CNTN4: variants seen among roughly 807,000 people sequenced by gnomAD.
The protein encoded by CNTN4 is contactin 4, also known as contactin-4.
A neutral mutation model predicts 122.5 loss-of-function variants in CNTN4; 77 were observed. The ratio of observed to expected loss-of-function variants is 0.63; its 90% CI spans 0.52 to 0.76. The LOEUF is 0.76. Ranked by LOEUF, CNTN4 falls within the 30% of genes least tolerant of loss-of-function variation. CNTN4 has a pLI of 0.00. For missense variants in CNTN4, 1,256 were observed against 1,259.1 expected (o/e 1.00, Z 0.04); for synonymous variants, 512 against 447.0 (o/e 1.15, Z -1.83).
At chr3:2,989,346 C>A (rs1694854888) in intron 14 of CNTN4, among the ~76,000 whole-genome samples, 1 of 152,178 alleles carries the variant, frequency 6.6e-6, no homozygotes, top group South Asian at 2.1e-4. Flanking sequence ...GTCCTTTATG[C>A]TGCACCAGGA....
At chr3:2,376,267 T>C (rs1034178570) in intron 3 of CNTN4, among the ~76,000 whole-genome samples, 50 of 152,186 alleles carry the variant, frequency 3.3e-4, no homozygotes, top group African/African-American at 1.2e-3. Context: ...AACTATTTAA[T>C]TAAATGGAAT....
intron 14 of CNTN4, among the ~76,000 whole-genome samples, chr3:2,994,569 T>G (rs1220131991): frequency 6.8e-6 from 1 of 147,358 alleles, no homozygotes; most frequent in African/African-American, 2.5e-5. Flanking sequence ...GAAAGTTTAT[T>G]TATGTTTAAA....
chr3:2,384,918 A>T (rs1157708266), intron 3 of CNTN4, among the ~76,000 whole-genome samples: 1 of 151,718 alleles, frequency 6.6e-6, no homozygotes, highest in African/African-American at 2.4e-5. Context: ...ATTCTTTTTT[A>T]AAACATTGGT....
At position 2,231,830 on chromosome 3, in the gene CNTN4, C is replaced by T. The variant is rs552760737; in HGVS notation, c.-144-107348C>T. On this transcript the variant is annotated intron_variant, in intron 2 of 24. Transcript: ENST00000418658. ...CTTCAATTTATTTAATCAATTATGT[C>T]CTGATAAAAATATGCTAATTGCAAT... Among the ~76,000 whole-genome samples, 6 of 152,128 alleles carry T rather than the reference C, an allele frequency of 3.9e-5. No homozygotes were observed. The East Asian group carries it at 7.7e-4, about 20-fold the overall frequency.
chr3:2,114,659 A>T (rs1337276439), intron 2 of CNTN4, among the ~76,000 whole-genome samples: 1 of 152,180 alleles, frequency 6.6e-6, no homozygotes, highest in Non-Finnish European at 1.5e-5. Context: ...ACCACCAACA[A>T]GCAGTGACTG....
chr3:3,014,081 CA>C lies in CNTN4; in HGVS notation c.1487-12020del, dbSNP rs1559789874. 1.1e-3 allele frequency among the ~76,000 whole-genome samples: 164 copies of C among 151,958 alleles called. 4 individuals are homozygous for C. The East Asian group carries it at 0.018, about 17-fold the overall frequency. On this transcript the variant is annotated intron_variant, in intron 14 of 24. Transcript: ENST00000418658. Reference sequence around the variant, plus strand: ...ACACACACACACACACACACACACACACACACCCCTAGGGGTTTTGTTTGTT... The same window carrying C: ...ACACACACACACACACACACACACACCACACCCCTAGGGGTTTTGTTTGTT...
intron 7 of CNTN4, among the ~76,000 whole-genome samples, chr3:2,822,932 C>T (rs572109266): frequency 5.3e-5 from 8 of 152,108 alleles, no homozygotes; most frequent in Non-Finnish European, 1.0e-4. Context: ...TTAGAAATGG[C>T]GTGCACATTA....
chr3:3,019,947 T>C (rs2125585843), intron 14 of CNTN4, among the ~76,000 whole-genome samples: 1 of 151,936 alleles, frequency 6.6e-6, no homozygotes, highest in Admixed American at 6.6e-5. Flanking sequence ...AAACTTTCTG[T>C]AAGTTTGAAA....
At chr3:2,164,489 A>G (rs17194161) in intron 2 of CNTN4, among the ~76,000 whole-genome samples, 49,047 of 152,106 alleles carry the variant, frequency 0.32, 8,702 homozygotes, top group Admixed American at 0.43. Context: ...CCTCTAAGCC[A>G]AACCTAATTC....
intron 3 of CNTN4, among the ~76,000 whole-genome samples, chr3:2,411,471 C>CA (rs1427178730): frequency 6.6e-6 from 1 of 151,950 alleles, no homozygotes; most frequent in African/African-American, 2.4e-5. Context: ...CATTTGTTGG[C>CA]AAAAAAGTAG....
chr3:2,427,462 T>A (rs2047884215), intron 3 of CNTN4, among the ~76,000 whole-genome samples: 1 of 152,242 alleles, frequency 6.6e-6, no homozygotes, highest in Non-Finnish European at 1.5e-5. Flanking sequence ...CCTGTTCTTT[T>A]ACATTTGCTG....
chr3:2,458,123 T>G (rs35220730), intron 3 of CNTN4, among the ~76,000 whole-genome samples: 1 of 152,076 alleles, frequency 6.6e-6, no homozygotes. Flanking sequence ...CAAGTCTCAG[T>G]TGCAGTACTG....
chr3:2,647,985 G>A (rs201941029), intron 4 of CNTN4, among the ~76,000 whole-genome samples: 3 of 152,130 alleles, frequency 2.0e-5, no homozygotes, highest in Non-Finnish European at 2.9e-5. Context: ...TGCAGTTGAC[G>A]CTTATGCAAA....
chr3:2,146,161 G>A (rs1252934167), intron 2 of CNTN4, among the ~76,000 whole-genome samples: 1 of 151,176 alleles, frequency 6.6e-6, no homozygotes, highest in Non-Finnish European at 1.5e-5. Flanking sequence ...GAGAACCTAA[G>A]ACTTCTATTG....
chr3:2,917,078 T>C (rs1234719844), intron 12 of CNTN4, among the ~76,000 whole-genome samples: 1 of 127,466 alleles, frequency 7.8e-6, no homozygotes, highest in Non-Finnish European at 1.7e-5. Context: ...GGCTGGCGGA[T>C]CACTCGCGGT....
chr3:2,267,929 G>C (rs1307259960), intron 2 of CNTN4, among the ~76,000 whole-genome samples: 5 of 151,824 alleles, frequency 3.3e-5, no homozygotes, highest in African/African-American at 9.7e-5. Flanking sequence ...TGACTTTTAC[G>C]CTAGAGTTAT....
At chr3:2,854,998 T>G (rs1207689269) in intron 7 of CNTN4, among the ~76,000 whole-genome samples, 2 of 152,228 alleles carry the variant, frequency 1.3e-5, no homozygotes, top group Non-Finnish European at 2.9e-5. Flanking sequence ...GTCAAAATTT[T>G]CCTACGAAAT....
chr3:2,676,510 C>T, intron 4 of CNTN4, among the ~76,000 whole-genome samples: 1 of 152,200 alleles, frequency 6.6e-6, no homozygotes, highest in Non-Finnish European at 1.5e-5. Context: ...GCGTGAGCCA[C>T]TGTGCCTGGC....
At chr3:2,563,433 T>C (rs1424393411) in intron 3 of CNTN4, among the ~76,000 whole-genome samples, 2 of 152,208 alleles carry the variant, frequency 1.3e-5, no homozygotes, top group Non-Finnish European at 2.9e-5. Context: ...AGTTAACAAA[T>C]AATACAGAAA....
Sources: allele counts gnomAD v4.1 joint callset (sites outside exome capture counted in the v4.1 genomes callset), GRCh38; gene constraint gnomAD v4.1.1; transcripts MANE v1.5; gene names NCBI Gene and HGNC (gene_info 2026-07-23, HGNC 2026-07-21).